The following MRTO4 variants were observed in gnomAD, a reference collection of about 807,000 sequenced individuals.
MRTO4 encodes the protein mRNA turnover protein 4 homolog.
Under a neutral mutation model 28.6 loss-of-function variants are expected in MRTO4, and 7 were observed. The ratio of observed to expected loss-of-function variants is 0.24; its 90% CI spans 0.14 to 0.46. The LOEUF (loss-of-function observed/expected upper bound fraction) is 0.46. Among genes scored for constraint, MRTO4 ranks in the 20% least tolerant of loss-of-function variants. MRTO4 has a pLI of 0.99. For missense variants in MRTO4, 302 were observed against 298.3 expected (o/e 1.01, Z -0.09); for synonymous variants, 113 against 108.2 (o/e 1.04, Z -0.27).
rs375591474 is a variant in MRTO4, at chr1:19,257,806, C to T, written c.342-27C>T. ...GCTGGTGGCGTGGCCAGGAGCATCTCCTCCTACCACTTCTCTTTTCCCTTA... is the reference window on the plus strand; with the variant it reads ...GCTGGTGGCGTGGCCAGGAGCATCTTCTCCTACCACTTCTCTTTTCCCTTA... On this transcript the variant is annotated intron_variant, in intron 5 of 7. Coordinates refer to ENST00000330263, the MANE Select transcript of MRTO4 (RefSeq NM_016183.4). The T allele has an allele frequency of 1.6e-5, 25 of 1,609,954 alleles. No individual in the cohort carries two copies. In the African/African-American group the frequency reaches 2.3e-4, roughly 15 times the overall value.
Position 19,257,527 on chromosome 1 carries a change from T to C in MRTO4, c.341+6T>C. The C allele has an allele frequency of 6.2e-7, 1 of 1,614,072 alleles. No homozygotes were observed. Among genetic ancestry groups the C allele is most frequent in the Non-Finnish European group, 8.5e-7 (1 of 1,179,978 alleles). ...ACAAAGGAGGAGGTGAATGAGTAAGTACTGCTGAGGAACGGAGGGAAAGAG... is the reference window on the plus strand; with the variant it reads ...ACAAAGGAGGAGGTGAATGAGTAAGCACTGCTGAGGAACGGAGGGAAAGAG... On this transcript the variant is annotated splice_donor_region_variant and intron_variant, in intron 5 of 7. Coordinates refer to ENST00000330263, the MANE Select transcript of MRTO4 (RefSeq NM_016183.4).
intron 3 of MRTO4, among the ~76,000 whole-genome samples, chr1:19,256,727 G>C (rs2093672008): frequency 6.6e-6 from 1 of 152,248 alleles, no homozygotes; most frequent in African/African-American, 2.4e-5. Context: ...GCAAGTTTCT[G>C]TCCTGGGGCA....
chr1:19,252,822 TTTTTG>T (rs1170905435), intron 1 of MRTO4, among the ~76,000 whole-genome samples: 1 of 152,148 alleles, frequency 6.6e-6, no homozygotes, highest in African/African-American at 2.4e-5. Context: ...AGCTAGGTTT[TTTTTG>T]TTTATTTTTT....
chr1:19,252,188 G>T, intron 1 of MRTO4: 1 of 410,698 alleles, frequency 2.4e-6, no homozygotes, highest in Non-Finnish European at 4.4e-6. Context: ...CCCAACTTCG[G>T]CCCTTTCTCA....
chr1:19,256,291 G>A (rs1410260916), intron 3 of MRTO4, among the ~76,000 whole-genome samples: 1 of 152,150 alleles, frequency 6.6e-6, no homozygotes, highest in Non-Finnish European at 1.5e-5. Context: ...TGAGGCAGGG[G>A]GATCACCTGA....
intron 1 of MRTO4, 22 bp from the exon 2 acceptor site, chr1:19,254,760 C>A: frequency 6.3e-7 from 1 of 1,596,468 alleles, no homozygotes; most frequent in South Asian, 1.1e-5. Context: ...CTCATCATCT[C>A]TCTCCTTTTT....
intron 5 of MRTO4, 69 bp from the exon 6 acceptor site, chr1:19,257,764 G>A (rs1361181881): frequency 1.3e-6 from 2 of 1,578,464 alleles, no homozygotes; most frequent in Admixed American, 1.7e-5. Flanking sequence ...GGACACTTGG[G>A]GGAGCCTGAC....
At chr1:19,256,674 C>T (rs2093671956) in intron 3 of MRTO4, among the ~76,000 whole-genome samples, 2 of 152,130 alleles carry the variant, frequency 1.3e-5, no homozygotes, top group Admixed American at 6.5e-5. Context: ...AGGGACACTG[C>T]GACACAGACA....
chr1:19,254,052 G>A (rs1054693028), intron 1 of MRTO4, among the ~76,000 whole-genome samples: 2 of 152,172 alleles, frequency 1.3e-5, no homozygotes, highest in African/African-American at 2.4e-5. Context: ...GCATAGGCCA[G>A]CTAGAGTGGC....
Position 19,255,975 on chromosome 1 carries a change from T to A in MRTO4, c.115T>A (p.Tyr39Asn), listed in dbSNP as rs1479611126. The A allele has an allele frequency of 1.2e-6, 2 of 1,614,014 alleles. No homozygotes were observed. The highest frequency in any genetic ancestry group is 8.5e-7 in the Non-Finnish European group (1 of 1,180,000). ...ELRKCVDTYK[Y>N]LFIFSVANMR... is the part of the protein sequence containing the mutation. ...TCGGAAATGTGTGGACACCTACAAG[T>A]ACCTTTTCATCTTCTCTGTGGCCAA... is the stretch of plus-strand genomic sequence containing the variant. The change falls in exon 3 of 8, where the codon TAC becomes AAC. Residue 39 changes from tyrosine to asparagine, a missense_variant. Transcript: ENST00000330263.
chr1:19,257,279 G>A (rs1473951952), intron 4 of MRTO4, 134 bp downstream of exon 4: 2 of 1,213,660 alleles, frequency 1.6e-6, no homozygotes, highest in Non-Finnish European at 2.4e-6. Context: ...AAAGCTCTGG[G>A]TTCTCCCTTC....
rs760719301 is a variant in MRTO4, at chr1:19,257,868, G to C, written c.377G>C (p.Arg126Pro). 6.2e-7 allele frequency: 1 copy of C among 1,613,794 alleles called. No homozygotes were observed. Among genetic ancestry groups the C allele is most frequent in the South Asian group, 1.1e-5 (1 of 91,064 alleles). The change falls in exon 6 of 8, where the codon CGA (arginine) becomes CCA (proline). Residue 126 changes from arginine (R) to proline (P), a missense_variant. Coordinates refer to ENST00000330263, the MANE Select transcript of MRTO4 (RefSeq NM_016183.4). ...FTKYTEMDYA[R>P]AGNKAAFTVS... ...AAATACACAGAAATGGACTACGCCCGAGCTGGTAACAAAGCAGCTTTCACT... is the reference window on the plus strand; with the variant it reads ...AAATACACAGAAATGGACTACGCCCCAGCTGGTAACAAAGCAGCTTTCACT...
intron 1 of MRTO4, 60 bp from the exon 2 acceptor site, chr1:19,254,722 T>C: frequency 7.3e-7 from 1 of 1,374,530 alleles, no homozygotes; most frequent in South Asian, 1.2e-5. Context: ...GAGAAGAAAA[T>C]AAGTCTCCAG....
intron 3 of MRTO4, among the ~76,000 whole-genome samples, chr1:19,256,660 C>T (rs1426180595): frequency 6.6e-6 from 1 of 152,190 alleles, no homozygotes; most frequent in African/African-American, 2.4e-5. Context: ...TTTAGAATGT[C>T]AGTAGGGACA....
intron 3 of MRTO4, 150 bp from the exon 4 acceptor site, chr1:19,256,914 G>A (rs2093672289): frequency 2.8e-6 from 2 of 716,012 alleles, no homozygotes; most frequent in South Asian, 3.4e-5. Flanking sequence ...CCAACGTGGG[G>A]ACAGTGTGGC....
At chr1:19,255,104 C>T (rs1020904476) in intron 2 of MRTO4, among the ~76,000 whole-genome samples, 3 of 152,136 alleles carry the variant, frequency 2.0e-5, no homozygotes, top group Non-Finnish European at 4.4e-5. Context: ...ACTCCATCCT[C>T]ATAACATCCC....
chr1:19,253,839 G>C (rs772973740), intron 1 of MRTO4, among the ~76,000 whole-genome samples: 1 of 152,180 alleles, frequency 6.6e-6, no homozygotes, highest in Non-Finnish European at 1.5e-5. Context: ...TTTCTGGAAC[G>C]ATTTGATTCT....
chr1:19,258,105 T>C, intron 6 of MRTO4, 121 bp downstream of exon 6: 1 of 1,337,234 alleles, frequency 7.5e-7, no homozygotes, highest in Non-Finnish European at 1.0e-6. Flanking sequence ...CATGAGAAAA[T>C]GGGGCTAAGA....
intron 1 of MRTO4, among the ~76,000 whole-genome samples, chr1:19,253,826 G>T (rs1338896294): frequency 6.6e-6 from 1 of 152,202 alleles, no homozygotes; most frequent in African/African-American, 2.4e-5. Context: ...GTTCTGTTAA[G>T]TGTTTCTGGA....
Sources: allele counts gnomAD v4.1 joint callset (sites outside exome capture counted in the v4.1 genomes callset), GRCh38; gene constraint gnomAD v4.1.1; transcripts MANE v1.5; gene names NCBI Gene and HGNC (gene_info 2026-07-23, HGNC 2026-07-21).